The following GPR139 variants were observed in gnomAD, a reference collection of about 807,000 sequenced individuals.
GPR139 encodes the protein G protein-coupled receptor 139, also known as probable G protein-coupled receptor 139.
Under a neutral mutation model 25.8 loss-of-function variants are expected in GPR139, and 12 were observed. The ratio of observed to expected loss-of-function variants is 0.47; its 90% CI spans 0.30 to 0.75. The LOEUF is 0.75. Among genes scored for constraint, GPR139 ranks in the 30% least tolerant of loss-of-function variants. The pLI, the probability that GPR139 is intolerant of heterozygous loss-of-function variation, is 0.07. For synonymous variants in GPR139, 184 were observed against 179.9 expected, an observed-to-expected ratio of 1.02 and a Z score of -0.18; for missense variants, 380 against 450.2, an observed-to-expected ratio of 0.84 and a Z score of 1.41.
At position 20,031,401 on chromosome 16, in the gene GPR139, G is replaced by GTA; in HGVS notation, c.*333_*334insTA. Reference sequence around the variant, plus strand: ...TAAATGAAGGGTTCCCAGTGACTGTGGATGGTACCAGGGCGAAATCACAGA... The same window carrying GTA: ...TAAATGAAGGGTTCCCAGTGACTGTGTAGATGGTACCAGGGCGAAATCACAGA... On this transcript the variant is annotated 3_prime_UTR_variant, in exon 2 of 2. Coordinates refer to ENST00000570682, the MANE Select transcript of GPR139 (RefSeq NM_001002911.4). 1 of 301,874 alleles carries GTA rather than the reference G, an allele frequency of 3.3e-6. No individual in the cohort carries two copies. Among genetic ancestry groups the GTA allele is most frequent in the South Asian group, 5.0e-5 (1 of 19,882 alleles). 18.7% of individuals were successfully genotyped at this position (301,874 alleles called of 1,614,324 possible).
At chr16:20,059,193 C>T (rs547603110) in intron 1 of GPR139, among the ~76,000 whole-genome samples, 15 of 152,262 alleles carry the variant, frequency 9.9e-5, no homozygotes, top group African/African-American at 3.6e-4. Context: ...TCATCTCTAC[C>T]ATTTACTCTT....
intron 1 of GPR139, among the ~76,000 whole-genome samples, chr16:20,072,180 G>C (rs1251943313): frequency 6.6e-6 from 1 of 152,174 alleles, no homozygotes; most frequent in Non-Finnish European, 1.5e-5. Context: ...TAGGGCAGCC[G>C]TGGCGATTAG....
chr16:20,068,987 T>C (rs2057448450), intron 1 of GPR139, among the ~76,000 whole-genome samples: 1 of 152,096 alleles, frequency 6.6e-6, no homozygotes, highest in Non-Finnish European at 1.5e-5. Context: ...GATTCTGACA[T>C]GTTATTCCTC....
At chr16:20,070,698 T>C (rs573671570) in intron 1 of GPR139, among the ~76,000 whole-genome samples, 1 of 152,330 alleles carries the variant, frequency 6.6e-6, no homozygotes, top group East Asian at 1.9e-4. Flanking sequence ...CTGCGAGAAT[T>C]TGGGAAACTT....
At chr16:20,033,571 G>T (rs115392045) in intron 1 of GPR139, among the ~76,000 whole-genome samples, 5 of 152,158 alleles carry the variant, frequency 3.3e-5, no homozygotes, top group African/African-American at 1.2e-4. Context: ...CCTCTTCAGA[G>T]CTTGGATTTT....
chr16:20,032,184 T>C lies in GPR139; in HGVS notation c.613A>G (p.Ile205Val), dbSNP rs145592899. 2.8e-5 allele frequency: 45 copies of C among 1,613,942 alleles called. No individual in the cohort carries two copies. The highest frequency in any genetic ancestry group is 1.6e-4 in the Middle Eastern group (1 of 6,084). Residue 205 changes from isoleucine to valine, a missense_variant, in exon 2 of 2, where the codon ATC (isoleucine) becomes GTC (valine). Ile to Val is a conservative substitution (Grantham distance 29). Coordinates refer to ENST00000570682, the MANE Select transcript of GPR139 (RefSeq NM_001002911.4). ...TTCCTCCTGAGCTTGTACACAATGA[T>C]TGAGTTCAAGATGAAGAAGATGGAG... ...PCSIFFILNS[I>V]IVYKLRRKSN... is the part of the protein sequence containing the mutation.
chr16:20,031,501 G>A lies in GPR139; in HGVS notation c.*234C>T, dbSNP rs1465730928. ...TCCAATGGCATCTTCAAACTGGTAG[G>A]AGCTTTTGCTGTCATTACGACTCTG... On this transcript the variant is annotated 3_prime_UTR_variant, in exon 2 of 2. Coordinates refer to ENST00000570682, the MANE Select transcript of GPR139 (RefSeq NM_001002911.4). 1.9e-6 allele frequency: 1 copy of A among 538,326 alleles called. No homozygotes were observed. Among genetic ancestry groups the A allele is most frequent in the Non-Finnish European group, 3.3e-6 (1 of 301,468 alleles). The allele number at this position is 538,326 out of a possible 1,614,324, so 33.3% of individuals were successfully genotyped here.
At chr16:20,035,336 A>G (rs1232842155) in intron 1 of GPR139, among the ~76,000 whole-genome samples, 2 of 152,236 alleles carry the variant, frequency 1.3e-5, no homozygotes, top group Non-Finnish European at 2.9e-5. Flanking sequence ...TGGGGGTACC[A>G]TGAAGATATG....
intron 1 of GPR139, among the ~76,000 whole-genome samples, chr16:20,036,213 C>T (rs2057309565): frequency 6.6e-6 from 1 of 152,140 alleles, no homozygotes; most frequent in Non-Finnish European, 1.5e-5. Flanking sequence ...CATATATAGT[C>T]AGAGCTTCAT....
chr16:20,033,312 T>G (rs1255690615), intron 1 of GPR139, among the ~76,000 whole-genome samples: 1 of 151,672 alleles, frequency 6.6e-6, no homozygotes, highest in East Asian at 2.0e-4. Context: ...AAGCTGGGGC[T>G]CTGAGAGCCT....
intron 1 of GPR139, among the ~76,000 whole-genome samples, chr16:20,067,729 A>AGGAGGC (rs2057440563): frequency 6.9e-6 from 1 of 144,868 alleles, no homozygotes; most frequent in South Asian, 2.2e-4. Flanking sequence ...GCTTGAATCC[A>AGGAGGC]GGAGGCAGAA....
intron 1 of GPR139, among the ~76,000 whole-genome samples, chr16:20,067,154 C>T (rs2057437447): frequency 1.3e-5 from 2 of 152,200 alleles, no homozygotes; most frequent in Non-Finnish European, 2.9e-5. Context: ...CTAACATGAT[C>T]GTTACAGAAA....
chr16:20,067,013 G>GGGA (rs1300991610), intron 1 of GPR139, among the ~76,000 whole-genome samples: 1 of 152,152 alleles, frequency 6.6e-6, no homozygotes, highest in Admixed American at 6.5e-5. Context: ...TCTTGCAGAT[G>GGGA]GGAAAACCGG....
In GPR139 at chr16:20,032,000, A is replaced by G. The variant is rs1159032666; in HGVS notation, c.797T>C (p.Met266Thr). 1 of 1,614,226 alleles carries G rather than the reference A, an allele frequency of 6.2e-7. No homozygotes were observed. The highest frequency in any genetic ancestry group is 8.5e-7 in the Non-Finnish European group (1 of 1,180,036). ...PIQNRWLVHI[M>T]SDIANMLALL... is the part of the protein sequence containing the mutation. Reference sequence around the variant, plus strand: ...GGCTAGCATGTTGGCAATGTCGGACATGATGTGTACCAGCCAGCGGTTCTG... The same window carrying G: ...GGCTAGCATGTTGGCAATGTCGGACGTGATGTGTACCAGCCAGCGGTTCTG... Residue 266 changes from methionine (M) to threonine (T), a missense_variant, in exon 2 of 2, where the codon ATG (methionine) becomes ACG (threonine). Physicochemically the swap from Met to Thr is moderately conservative, Grantham distance 81 (BLOSUM62 -1). Coordinates refer to ENST00000570682, the MANE Select transcript of GPR139 (RefSeq NM_001002911.4).
chr16:20,073,388 A>AGGG lies in GPR139; in HGVS notation c.127+99_127+101dup. On this transcript the variant is annotated intron_variant, in intron 1 of 1. Coordinates refer to ENST00000570682, the MANE Select transcript of GPR139 (RefSeq NM_001002911.4). The surrounding 1 kb of genome is among the most constrained non-coding windows in gnomAD (Gnocchi z 4.7). ...GCCCTTAAAGCTTAAACTTTTTCCG[A>AGGG]GGGGGCGCCAGGGAACGCACGGGGG... 1.3e-6 allele frequency: 2 copies of AGGG among 1,511,956 alleles called. No homozygotes were observed. Among genetic ancestry groups the AGGG allele is most frequent in the Non-Finnish European group, 1.8e-6 (2 of 1,117,254 alleles). The allele number at this position is 1,511,956 out of a possible 1,614,324, so 93.7% of individuals were successfully genotyped here. A position where few individuals can be genotyped will look rare whatever the true frequency, so the allele number is the denominator to read the frequency against.
rs1383015500 is a variant in GPR139 at position 20,029,514 on chromosome 16, G to T, written c.*2221C>A. On this transcript the variant is annotated 3_prime_UTR_variant, in exon 2 of 2. Transcript: ENST00000570682. ...ATATATATATATATATTCAGTATAG[G>T]TAGCCTTTGGTCAATGTCCATTCAT... Among the ~76,000 whole-genome samples, 1 of 150,852 alleles carries T rather than the reference G, an allele frequency of 6.6e-6. No homozygotes were observed. The highest frequency in any genetic ancestry group is 1.5e-5 in the Non-Finnish European group (1 of 67,796).
intron 1 of GPR139, among the ~76,000 whole-genome samples, chr16:20,055,813 T>C (rs2057386781): frequency 6.6e-6 from 1 of 152,256 alleles, no homozygotes; most frequent in Admixed American, 6.5e-5. Context: ...GAGCATAGGC[T>C]CTAGCACCTG....
intron 1 of GPR139, among the ~76,000 whole-genome samples, chr16:20,036,546 TC>T (rs1271602483): frequency 6.6e-6 from 1 of 152,178 alleles, no homozygotes; most frequent in Admixed American, 6.5e-5. Context: ...CAAAGTCACG[TC>T]TTACATGGTG....
rs890797081 is a variant in GPR139 at position 20,067,744 on chromosome 16, C to T, written c.127+5746G>A. ...GCTTGAATCCAGGAGGCAGAAGTTGCGGTGAGCCGAGATTGCACCATTGCA... is the reference window on the plus strand; with the variant it reads ...GCTTGAATCCAGGAGGCAGAAGTTGTGGTGAGCCGAGATTGCACCATTGCA... On this transcript the variant is annotated intron_variant, in intron 1 of 1. Coordinates refer to ENST00000570682, the MANE Select transcript of GPR139 (RefSeq NM_001002911.4). Among the ~76,000 whole-genome samples the T allele has an allele frequency of 6.1e-5, 8 of 131,508 alleles. No homozygotes were observed. In the East Asian group the frequency reaches 1.3e-3, roughly 21 times the overall value. 86.3% of individuals were successfully genotyped at this position (131,508 alleles called of 152,430 possible).
Sources: gnomAD v4.1 joint callset for allele counts (sites outside exome capture counted in the v4.1 genomes callset) on GRCh38, gnomAD v4.1.1 for gene constraint, Gnocchi (gnomAD v3.1) non-coding constraint, MANE v1.5 for transcripts, NCBI Gene and HGNC (gene_info 2026-07-23, HGNC 2026-07-21) for gene names.